The following KANK1 variants were observed in gnomAD, a reference collection of about 807,000 sequenced individuals.
The protein encoded by KANK1 is KN motif and ankyrin repeat domain-containing protein 1.
KANK1 carries 109 observed loss-of-function variants against 106.2 expected under a neutral mutation model. That is an observed-to-expected ratio of 1.03 (90% CI 0.88 to 1.20). The LOEUF (loss-of-function observed/expected upper bound fraction) is 1.20. Ranked by LOEUF, KANK1 falls within the 50% of genes most tolerant of loss-of-function variation. KANK1 has a pLI of 0.00. For missense variants in KANK1, 2,399 were observed against 1,710.7 expected, an observed-to-expected ratio of 1.40 and a Z score of -7.10; for synonymous variants, 873 against 652.2, an observed-to-expected ratio of 1.34 and a Z score of -5.16.
chr9:703,571 A>C (rs1235014775), intron 2 of KANK1, among the ~76,000 whole-genome samples: 2 of 152,166 alleles, frequency 1.3e-5, no homozygotes, highest in African/African-American at 4.8e-5. Context: ...CAGAATATTT[A>C]GTTGGAAGCT....
intron 1 of KANK1, among the ~76,000 whole-genome samples, chr9:521,136 G>A (rs1021287981): frequency 7.2e-5 from 11 of 151,792 alleles, no homozygotes; most frequent in Admixed American, 5.2e-4. Flanking sequence ...ATATGAAATC[G>A]GAATTCTTTG....
At chr9:525,103 T>C (rs558438048) in intron 1 of KANK1, among the ~76,000 whole-genome samples, 2 of 148,442 alleles carry the variant, frequency 1.3e-5, no homozygotes, top group East Asian at 4.2e-4. Context: ...CAAGCCATTC[T>C]CCTGCCTCAG....
intron 1 of KANK1, chr9:673,345 G>C (rs1372482502): frequency 6.6e-6 from 1 of 152,254 alleles, no homozygotes; most frequent in East Asian, 1.9e-4. Context: ...AAGTAGCTGG[G>C]ATCACAGGCG....
chr9:738,571 C>T (rs1834439000), intron 8 of KANK1, 67 bp downstream of exon 8: 1 of 1,224,714 alleles, frequency 8.2e-7, no homozygotes. Context: ...TCTCAGAGAA[C>T]CTGGTTGAGC....
At chr9:634,209 G>T (rs929836322) in intron 1 of KANK1, among the ~76,000 whole-genome samples, 4 of 152,186 alleles carry the variant, frequency 2.6e-5, no homozygotes, top group African/African-American at 9.7e-5. Context: ...GAGAGTTAGG[G>T]CTCTTCAAGG....
Position 617,176 on chromosome 9 carries a change from A to G in KANK1, c.-83-59714A>G, listed in dbSNP as rs551046115. On this transcript the variant is annotated intron_variant, in intron 1 of 11. Transcript: ENST00000382297. ...TAAAATATAATAAAGAGTTTATGGT[A>G]TATTTGAACTGTCCTTAATGTTATT... Among the ~76,000 whole-genome samples the G allele has an allele frequency of 4.6e-5, 7 of 152,174 alleles. No individual in the cohort carries two copies. The South Asian group carries it at 1.4e-3, about 32-fold the overall frequency.
At chr9:743,649 G>C (rs1199414816) in intron 10 of KANK1, among the ~76,000 whole-genome samples, 2 of 152,008 alleles carry the variant, frequency 1.3e-5, no homozygotes, top group Non-Finnish European at 2.9e-5. Flanking sequence ...AGGATCGCTC[G>C]AGCCCAGGAG....
chr9:718,653 C>A (rs1259054068), intron 3 of KANK1, among the ~76,000 whole-genome samples: 1 of 152,052 alleles, frequency 6.6e-6, no homozygotes. Flanking sequence ...TCCATGGCCT[C>A]CTGTGTCAAA....
intron 1 of KANK1, among the ~76,000 whole-genome samples, chr9:550,315 C>CA (rs1018079720): frequency 3.4e-4 from 52 of 152,068 alleles, no homozygotes; most frequent in South Asian, 4.2e-4. Context: ...TGTTTATTAC[C>CA]AAAAAAACCT....
chr9:711,091 G>A lies in KANK1; in HGVS notation c.325G>A (p.Ala109Thr), dbSNP rs1165992354. Reference protein sequence around the residue: ...DNKQCPNFLIARSQVTSTPIS... With the variant: ...DNKQCPNFLITRSQVTSTPIS... ...CAAGCAGTGCCCCAACTTCCTCATA[G>A]CCAGAAGTCAAGTTACATCAACTCC... Residue 109 changes from alanine to threonine, a missense_variant, in exon 3 of 12, where the codon GCC becomes ACC. Physicochemically the swap from Ala to Thr is moderately conservative, Grantham distance 58 (BLOSUM62 0). Transcript: ENST00000382297. 3 of 1,614,082 alleles carry A rather than the reference G, an allele frequency of 1.9e-6. No individual in the cohort carries two copies. The highest frequency in any genetic ancestry group is 2.5e-6 in the Non-Finnish European group (3 of 1,180,036).
At chr9:742,647 G>C (rs1835958578) in intron 10 of KANK1, among the ~76,000 whole-genome samples, 1 of 152,212 alleles carries the variant, frequency 6.6e-6, no homozygotes, top group Non-Finnish European at 1.5e-5. Context: ...AAAAATTCAT[G>C]AAATGAAAAA....
At chr9:553,191 T>C (rs10975120) in intron 1 of KANK1, among the ~76,000 whole-genome samples, 49,685 of 151,906 alleles carry the variant, frequency 0.33, 9,241 homozygotes, top group East Asian at 0.5. Context: ...TTTAAAAAAA[T>C]CATTTATCAG....
At chr9:722,087 G>C (rs1363747970) in intron 3 of KANK1, among the ~76,000 whole-genome samples, 1 of 152,178 alleles carries the variant, frequency 6.6e-6, no homozygotes, top group Non-Finnish European at 1.5e-5. Flanking sequence ...TGACCTCCAA[G>C]CTGTCCTTGT....
At chr9:732,724 GTTCCTCAGAGGTATACACATC>G in intron 6 of KANK1, 107 bp downstream of exon 6, 1 of 1,272,070 alleles carries the variant, frequency 7.9e-7, no homozygotes, top group Non-Finnish European at 1.1e-6. Flanking sequence ...GCTTTTATCT[GTTCCTCAGAGGTATACACATC>G]TTGAGATACT....
In KANK1 at chr9:742,207, G is replaced by A. The variant is rs112581077; in HGVS notation, c.3699G>A (p.Ala1233=). 69 of 1,614,016 alleles carry A rather than the reference G, an allele frequency of 4.3e-5. No individual in the cohort carries two copies. Among genetic ancestry groups the A allele is most frequent in the African/African-American group, 2.1e-4 (16 of 75,050 alleles). ...CGDVNAKASQ[A]GQTALMLAVS... ...GTCCTTGTCATCTCTTCCCATAGGC[G>A]GGACAGACGGCCCTCATGCTGGCGG... The change falls in exon 10 of 12, where the codon GCG becomes GCA. Residue 1233 remains alanine, a splice_region_variant and synonymous_variant. Coordinates refer to ENST00000382297, the MANE Select transcript of KANK1 (RefSeq NM_015158.5).
chr9:498,600 CAT>C (rs943542356), intron 3 of KANK1, among the ~76,000 whole-genome samples: 6 of 152,158 alleles, frequency 3.9e-5, no homozygotes, highest in Non-Finnish European at 7.4e-5. Context: ...TAAAAAGACA[CAT>C]AATCTAATTT....
chr9:703,568 T>C (rs1329015900), intron 2 of KANK1, among the ~76,000 whole-genome samples: 1 of 152,116 alleles, frequency 6.6e-6, no homozygotes, highest in Non-Finnish European at 1.5e-5. Flanking sequence ...TTCCAGAATA[T>C]TTAGTTGGAA....
intron 1 of KANK1, among the ~76,000 whole-genome samples, chr9:633,450 T>G (rs991331449): frequency 6.6e-6 from 1 of 152,074 alleles, no homozygotes; most frequent in African/African-American, 2.4e-5. Flanking sequence ...AGAGCGAGAC[T>G]CCGTCTCAAA....
At chr9:471,054 G>A (rs962564661) in intron 2 of KANK1, 1 of 152,190 alleles carries the variant, frequency 6.6e-6, no homozygotes, top group Non-Finnish European at 1.5e-5. Context: ...AGATTGCATT[G>A]TCACTGGGAA....
Sources: gnomAD v4.1 joint callset for allele counts (sites outside exome capture counted in the v4.1 genomes callset) on GRCh38, gnomAD v4.1.1 for gene constraint, MANE v1.5 for transcripts, NCBI Gene and HGNC (gene_info 2026-07-23, HGNC 2026-07-21) for gene names.